The following MARCHF1 variants were observed in gnomAD, a reference collection of about 807,000 sequenced individuals.
MARCHF1 encodes membrane associated ring-CH-type finger 1.
In MARCHF1, 40 loss-of-function variants were observed where a neutral mutation model predicts 54.2. That is an observed-to-expected ratio of 0.74 (90% CI 0.57 to 0.96). MARCHF1 has a LOEUF of 0.96. Among genes scored for constraint, MARCHF1 ranks in the 40% least tolerant of loss-of-function variants. The pLI is 0.00. For synonymous variants in MARCHF1, 236 were observed against 236.3 expected, an observed-to-expected ratio of 1.00 and a Z score of 0.01; for missense variants, 586 against 656.5, an observed-to-expected ratio of 0.89 and a Z score of 1.17.
intron 5 of MARCHF1, among the ~76,000 whole-genome samples, chr4:163,621,543 T>C: frequency 6.6e-6 from 1 of 152,308 alleles, no homozygotes; most frequent in Non-Finnish European, 1.5e-5. Flanking sequence ...AAGCTTGATT[T>C]TTTTAAACAA....
At chr4:163,576,801 CCTT>C (rs1740054550) in intron 8 of MARCHF1, among the ~76,000 whole-genome samples, 1 of 147,070 alleles carries the variant, frequency 6.8e-6, no homozygotes, top group Admixed American at 6.8e-5. Context: ...TATGTAATAT[CCTT>C]CTTTGTCCAT....
chr4:163,844,225 A>C (rs1749423638), intron 4 of MARCHF1, among the ~76,000 whole-genome samples: 1 of 152,056 alleles, frequency 6.6e-6, no homozygotes, highest in African/African-American at 2.4e-5. Context: ...AGCATGAGGT[A>C]CGTGGTTTTC....
chr4:163,702,778 G>C lies in MARCHF1; in HGVS notation c.112-1915C>G, dbSNP rs117452249. Among the ~76,000 whole-genome samples, 10 of 152,210 alleles carry C rather than the reference G, an allele frequency of 6.6e-5. No individual in the cohort carries two copies. In the East Asian group the frequency reaches 1.9e-3, roughly 29 times the overall value. On this transcript the variant is annotated intron_variant, in intron 4 of 9. Coordinates refer to ENST00000514618, the MANE Select transcript of MARCHF1 (RefSeq NM_001394959.1). ...GGATCTTTTAACTTGAAATGGATTG[G>C]CTTTATTTTCTCCCAATATAAGGTC...
rs547053765 is a variant in MARCHF1, at chr4:164,076,420, C to T, written c.-248+35168G>A. Among the ~76,000 whole-genome samples the T allele has an allele frequency of 5.3e-5, 8 of 152,208 alleles. No individual in the cohort carries two copies. The South Asian group carries it at 8.3e-4, about 16-fold the overall frequency. On this transcript the variant is annotated intron_variant, in intron 2 of 9. Transcript: ENST00000514618. ...ATAATAAGAGCTATTTATGACAAAG[C>T]CACAGCCAATATCATATTTAATGGG...
At chr4:164,143,216 T>A (rs1325078879) in intron 1 of MARCHF1, among the ~76,000 whole-genome samples, 1 of 151,922 alleles carries the variant, frequency 6.6e-6, no homozygotes, top group South Asian at 2.1e-4. Flanking sequence ...TGAAAGTGAC[T>A]GGGAGAATGG....
At chr4:163,677,717 T>G (rs1379735690) in intron 5 of MARCHF1, among the ~76,000 whole-genome samples, 2 of 152,222 alleles carry the variant, frequency 1.3e-5, no homozygotes, top group Non-Finnish European at 2.9e-5. Context: ...CTCCCACTAG[T>G]GTAAAAGCCC....
chr4:163,620,518 A>G (rs1312699454), intron 5 of MARCHF1, among the ~76,000 whole-genome samples: 1 of 150,406 alleles, frequency 6.6e-6, no homozygotes, highest in African/African-American at 2.4e-5. Context: ...CCAAGTGTTA[A>G]TTCATTATTT....
At chr4:163,645,985 T>A (rs1016940019) in intron 5 of MARCHF1, among the ~76,000 whole-genome samples, 2 of 152,114 alleles carry the variant, frequency 1.3e-5, no homozygotes, top group Non-Finnish European at 2.9e-5. Context: ...TCTGAAAACT[T>A]TCTAAATCTT....
At chr4:164,295,665 T>C (rs958400980) in intron 1 of MARCHF1, among the ~76,000 whole-genome samples, 1 of 152,216 alleles carries the variant, frequency 6.6e-6, no homozygotes, top group Non-Finnish European at 1.5e-5. Flanking sequence ...CTTGGGCATA[T>C]ATCTTTCTTT....
chr4:164,341,720 A>C (rs1729936975), intron 1 of MARCHF1, among the ~76,000 whole-genome samples: 1 of 152,332 alleles, frequency 6.6e-6, no homozygotes. Context: ...CTCTGTCCCC[A>C]TGACCTAATT....
At chr4:163,890,583 T>G (rs1241051287) in intron 3 of MARCHF1, among the ~76,000 whole-genome samples, 2 of 152,186 alleles carry the variant, frequency 1.3e-5, no homozygotes, top group African/African-American at 4.8e-5. Flanking sequence ...TTTCATTGTG[T>G]TGCTAGAAAG....
At chr4:164,328,821 C>T (rs920393801) in intron 1 of MARCHF1, among the ~76,000 whole-genome samples, 3 of 152,164 alleles carry the variant, frequency 2.0e-5, no homozygotes, top group Non-Finnish European at 4.4e-5. Context: ...GGAGCCACCA[C>T]ACCCGGCCAC....
intron 1 of MARCHF1, among the ~76,000 whole-genome samples, chr4:164,375,090 C>T (rs1320462437): frequency 1.3e-5 from 2 of 152,048 alleles, no homozygotes; most frequent in Non-Finnish European, 2.9e-5. Flanking sequence ...TTAGCAGAAC[C>T]AAAATCCAAA....
intron 5 of MARCHF1, among the ~76,000 whole-genome samples, chr4:163,655,567 T>C (rs1743108219): frequency 1.3e-5 from 2 of 151,852 alleles, no homozygotes; most frequent in African/African-American, 4.8e-5. Context: ...CTGATAGGTA[T>C]CTACAGGACT....
At chr4:164,090,172 T>G (rs1755270345) in intron 2 of MARCHF1, among the ~76,000 whole-genome samples, 1 of 152,030 alleles carries the variant, frequency 6.6e-6, no homozygotes, top group South Asian at 2.1e-4. Context: ...ATTAAATTGA[T>G]GAAGTATCAC....
chr4:163,928,024 C>T (rs943379250), intron 3 of MARCHF1, among the ~76,000 whole-genome samples: 1 of 151,584 alleles, frequency 6.6e-6, no homozygotes, highest in Non-Finnish European at 1.5e-5. Flanking sequence ...CTGAATTAGG[C>T]ATTTGATGTT....
chr4:163,868,477 A>G (rs1448081485), intron 3 of MARCHF1, among the ~76,000 whole-genome samples: 1 of 152,038 alleles, frequency 6.6e-6, no homozygotes, highest in Non-Finnish European at 1.5e-5. Flanking sequence ...AGTTGATTCT[A>G]AAAGAGAAAA....
chr4:163,573,648 T>G (rs568250019), intron 8 of MARCHF1, among the ~76,000 whole-genome samples: 1,638 of 152,050 alleles, frequency 0.011, 23 homozygotes, highest in African/African-American at 0.037. Flanking sequence ...GAACTCATCA[T>G]TTTTTATGGC....
intron 2 of MARCHF1, among the ~76,000 whole-genome samples, chr4:164,107,564 T>C (rs1007226629): frequency 6.6e-5 from 10 of 152,150 alleles, no homozygotes; most frequent in African/African-American, 2.4e-4. Flanking sequence ...GGTTTCACCA[T>C]GTTGCCCAGT....
Sources: gnomAD v4.1 joint callset for allele counts (sites outside exome capture counted in the v4.1 genomes callset) on GRCh38, gnomAD v4.1.1 for gene constraint, MANE v1.5 for transcripts, NCBI Gene and HGNC (gene_info 2026-07-23, HGNC 2026-07-21) for gene names.